TXLNA: variants seen among roughly 807,000 people sequenced by gnomAD.
TXLNA encodes alpha-taxilin.
Under a neutral mutation model 61.4 loss-of-function variants are expected in TXLNA, and 9 were observed. The ratio of observed to expected loss-of-function variants is 0.15; its 90% confidence interval spans 0.09 to 0.26. The LOEUF (loss-of-function observed/expected upper bound fraction) is 0.26. Ranked by LOEUF, TXLNA falls within the 10% of genes least tolerant of loss-of-function variation. The pLI, the probability that TXLNA is intolerant of heterozygous loss-of-function variation, is 1.00. For missense variants in TXLNA, 565 were observed against 688.8 expected, an observed-to-expected ratio of 0.82 and a Z score of 2.01; for synonymous variants, 257 against 267.7, an observed-to-expected ratio of 0.96 and a Z score of 0.39.
intron 6 of TXLNA, among the ~76,000 whole-genome samples, chr1:32,191,600 A>T (rs771418015): frequency 5.3e-5 from 8 of 152,124 alleles, no homozygotes; most frequent in Admixed American, 1.3e-4. Context: ...GTGGAGAAGG[A>T]GGTGCAGGAC....
At chr1:32,185,287 G>C (rs527569093) in intron 4 of TXLNA, among the ~76,000 whole-genome samples, 2 of 152,312 alleles carry the variant, frequency 1.3e-5, no homozygotes, top group South Asian at 4.1e-4. Context: ...GGGGCAGCCA[G>C]ATTCTTCCAT....
Position 32,187,998 on chromosome 1 carries a change from GA to G in TXLNA, c.647del (p.Lys216SerfsTer58). On this transcript the variant is annotated frameshift_variant, in exon 5 of 11. Transcript: ENST00000373610. LOFTEE classifies it high-confidence loss of function. The stretch of plus-strand genomic sequence containing the variant: ...CACAGAAGCAGATGAAGCTCCTACA[GA>G]AAAAGCAGAGCCAGCTGGTGCAAGA... Reference protein sequence around the residue: ...NSQKQMKLLQKKQSQLVQEKD... With the variant: ...NSQKQMKLLQXKQSQLVQEKD... 6.2e-7 allele frequency: 1 copy of G among 1,613,804 alleles called. No individual in the cohort carries two copies. The highest frequency in any genetic ancestry group is 8.5e-7 in the Non-Finnish European group (1 of 1,179,866).
chr1:32,183,525 C>G (rs1039531976), intron 3 of TXLNA, among the ~76,000 whole-genome samples: 16 of 138,484 alleles, frequency 1.2e-4, no homozygotes, highest in African/African-American at 4.4e-4. Flanking sequence ...CTCCTGGGTT[C>G]ACGCCATTCT....
chr1:32,189,630 C>T (rs1198433264), intron 5 of TXLNA, among the ~76,000 whole-genome samples: 4 of 151,828 alleles, frequency 2.6e-5, no homozygotes, highest in Non-Finnish European at 5.9e-5. Context: ...CCACAACCTC[C>T]GCCTCCCAGG....
At chr1:32,189,541 CT>C (rs760315096) in intron 5 of TXLNA, among the ~76,000 whole-genome samples, 212 of 143,726 alleles carry the variant, frequency 1.5e-3, no homozygotes, top group Non-Finnish European at 1.7e-3. Context: ...TTTTTTCTTC[CT>C]TTTTTTTTTT....
chr1:32,182,121 T>TA lies in TXLNA; in HGVS notation c.505+547dup, dbSNP rs1553134506. ...GGCTTTTTTTTTTTTTTTTTTTTTT[T>TA]AAATAAAGAAAAGCCAGAAATCTAG... On this transcript the variant is annotated intron_variant, in intron 3 of 10. Transcript: ENST00000373610. 2.3e-3 allele frequency among the ~76,000 whole-genome samples: 343 copies of TA among 148,324 alleles called. 1 individual carries two copies. The highest frequency in any genetic ancestry group is 3.6e-3 in the Non-Finnish European group (239 of 66,894).
intron 3 of TXLNA, among the ~76,000 whole-genome samples, chr1:32,182,741 T>C (rs1385845181): frequency 6.6e-6 from 1 of 151,836 alleles, no homozygotes; most frequent in Non-Finnish European, 1.5e-5. Flanking sequence ...TTTCCCCTTA[T>C]GTATCCTCTT....
At chr1:32,187,471 C>T (rs1468269091) in intron 4 of TXLNA, among the ~76,000 whole-genome samples, 1 of 152,088 alleles carries the variant, frequency 6.6e-6, no homozygotes, top group African/African-American at 2.4e-5. Context: ...TCTGTTGATA[C>T]TGAAGTGGCC....
rs147160958 is a variant in TXLNA, at chr1:32,183,515, C to T, written c.506-1010C>T. The stretch of plus-strand genomic sequence containing the variant: ...GATCTCGGCTCACTGCAAGCTCCAC[C>T]TCCTGGGTTCACGCCATTCTCCTGC... On this transcript the variant is annotated intron_variant, in intron 3 of 10. Coordinates refer to ENST00000373610, the MANE Select transcript of TXLNA (RefSeq NM_175852.4). Among the ~76,000 whole-genome samples, 1,244 of 145,398 alleles carry T rather than the reference C, an allele frequency of 8.6e-3. 15 individuals carry two copies. Among genetic ancestry groups the T allele is most frequent in the African/African-American group, 0.03 (1,160 of 38,778 alleles).
In TXLNA at chr1:32,187,944, C is replaced by T. The variant is rs1279076035; in HGVS notation, c.598-10C>T. The T allele has an allele frequency of 1.2e-6, 2 of 1,612,684 alleles. No individual in the cohort carries two copies. Among genetic ancestry groups the T allele is most frequent in the Non-Finnish European group, 1.7e-6 (2 of 1,179,236 alleles). On this transcript the variant is annotated splice_polypyrimidine_tract_variant and intron_variant, in intron 4 of 10. Transcript: ENST00000373610. ...AGATGCTCACCTGCCCTCCCTATCC[C>T]TGTCCCCAGCTGGAGGAGCACCGGA...
Position 32,196,555 on chromosome 1 carries a change from C to A in TXLNA, c.*1360C>A, listed in dbSNP as rs769860974. On this transcript the variant is annotated 3_prime_UTR_variant, in exon 11 of 11. Transcript: ENST00000373610. ...GTCCTGTTCTACCCCCACTCCAGTA[C>A]ATAACTACTATGTACTGTGTAGAGC... is the stretch of plus-strand genomic sequence containing the variant. The A allele has an allele frequency of 6.6e-6, 1 of 152,232 alleles. No homozygotes were observed. The highest frequency in any genetic ancestry group is 1.5e-5 in the Non-Finnish European group (1 of 68,068). The allele number at this position is 152,232 out of a possible 1,614,324, so 9.4% of individuals were successfully genotyped here.
At chr1:32,193,059 T>G in intron 8 of TXLNA, 149 bp from the exon 9 acceptor site, 2 of 639,836 alleles carry the variant, frequency 3.1e-6, no homozygotes, top group South Asian at 3.7e-5. Context: ...GATTATATCC[T>G]TCCAAATATA....
intron 6 of TXLNA, among the ~76,000 whole-genome samples, chr1:32,191,111 A>G (rs1642896200): frequency 6.6e-6 from 1 of 151,554 alleles, no homozygotes; most frequent in Admixed American, 6.6e-5. Flanking sequence ...AAAAAAAAAA[A>G]AAGCAGGATG....
intron 5 of TXLNA, among the ~76,000 whole-genome samples, 196 bp from the exon 6 acceptor site, chr1:32,189,859 G>T (rs931373610): frequency 3.3e-5 from 5 of 152,242 alleles, no homozygotes; most frequent in Middle Eastern, 3.4e-3. Flanking sequence ...CATTTTTCTA[G>T]GGGGAGAATC....
intron 4 of TXLNA, 64 bp from the exon 5 acceptor site, chr1:32,187,890 A>G: frequency 6.4e-7 from 1 of 1,563,026 alleles, no homozygotes; most frequent in East Asian, 2.3e-5. Flanking sequence ...AGACCTGCAT[A>G]GTGATCCCCC....
At chr1:32,181,079 A>G (rs946714261) in intron 2 of TXLNA, among the ~76,000 whole-genome samples, 163 bp from the exon 3 acceptor site, 1 of 152,244 alleles carries the variant, frequency 6.6e-6, no homozygotes, top group Non-Finnish European at 1.5e-5. Flanking sequence ...GACAGGAACT[A>G]GATTTGCTGA....
chr1:32,188,289 T>G (rs1569615003), intron 5 of TXLNA, among the ~76,000 whole-genome samples, 165 bp downstream of exon 5: 1 of 152,162 alleles, frequency 6.6e-6, no homozygotes. Flanking sequence ...GAAATTAATT[T>G]TAGTAATATA....
rs1642931266 is a variant in TXLNA, at chr1:32,192,561, A to G, written c.1084-96A>G. ...CAGATTCCTTGAGTACCAGTCTGAG[A>G]GCAGGAAGCCTCAGTGGGTCTGGTG... is the stretch of plus-strand genomic sequence containing the variant. On this transcript the variant is annotated intron_variant, in intron 7 of 10. Coordinates refer to ENST00000373610, the MANE Select transcript of TXLNA (RefSeq NM_175852.4). The surrounding 1 kb of genome is among the most constrained non-coding windows in gnomAD (Gnocchi z 4.2). 1.3e-6 allele frequency: 2 copies of G among 1,589,944 alleles called. No individual in the cohort carries two copies. The highest frequency in any genetic ancestry group is 2.2e-5 in the South Asian group (2 of 89,558).
At chr1:32,191,472 T>C (rs1040001630) in intron 6 of TXLNA, among the ~76,000 whole-genome samples, 1 of 152,076 alleles carries the variant, frequency 6.6e-6, no homozygotes, top group African/African-American at 2.4e-5. Flanking sequence ...TTGGTTCTTA[T>C]CCCTCAGCGC....
Sources: allele counts gnomAD v4.1 joint callset (sites outside exome capture counted in the v4.1 genomes callset), GRCh38; gene constraint gnomAD v4.1.1; non-coding constraint Gnocchi (gnomAD v3.1); transcripts MANE v1.5; gene names NCBI Gene and HGNC (gene_info 2026-07-23, HGNC 2026-07-21).